GPA33: variants seen among roughly 807,000 people sequenced by gnomAD.
The protein encoded by GPA33 is cell surface A33 antigen.
GPA33 carries 27 observed loss-of-function variants against 35.6 expected under a neutral mutation model. That is an observed-to-expected ratio of 0.76 (90% confidence interval 0.56 to 1.04). The LOEUF is 1.04. GPA33 is among the 50% of genes least tolerant of loss of function. The pLI is 0.00. For synonymous variants in GPA33, 176 were observed against 164.0 expected (o/e 1.07, Z -0.56); for missense variants, 428 against 411.9 (o/e 1.04, Z -0.34).
chr1:167,072,885 T>A (rs1436754341), intron 2 of GPA33, among the ~76,000 whole-genome samples: 1 of 151,412 alleles, frequency 6.6e-6, no homozygotes, highest in African/African-American at 2.4e-5. Flanking sequence ...GGATAGAGGA[T>A]GAGGGTGTGG....
intron 3 of GPA33, among the ~76,000 whole-genome samples, chr1:167,065,596 A>C (rs1666574073): frequency 6.6e-6 from 1 of 152,124 alleles, no homozygotes; most frequent in African/African-American, 2.4e-5. Context: ...TCAGGAGTGC[A>C]TTCTGATCTC....
intron 4 of GPA33, among the ~76,000 whole-genome samples, chr1:167,063,139 C>G (rs977720493): frequency 1.3e-5 from 2 of 152,204 alleles, no homozygotes; most frequent in Non-Finnish European, 2.9e-5. Context: ...TATAAGAAAC[C>G]AGTGCTGGCC....
chr1:167,055,606 C>G, intron 5 of GPA33, 124 bp downstream of exon 5: 1 of 1,041,828 alleles, frequency 9.6e-7, no homozygotes, highest in Non-Finnish European at 1.4e-6. Flanking sequence ...CACAGCTAAC[C>G]TGCAGGTGCG....
chr1:167,054,506 C>T (rs1258644880), intron 6 of GPA33, 40 bp from the exon 7 acceptor site: 1 of 1,613,524 alleles, frequency 6.2e-7, no homozygotes, highest in Non-Finnish European at 8.5e-7. Flanking sequence ...GATTTGCTCT[C>T]AGGTGGACCC....
chr1:167,075,474 C>A lies in GPA33; in HGVS notation c.44-1935G>T, dbSNP rs142643064. ...GTCAGGAATAGACAGAAGGATTTGG[C>A]CTCAGCAACTGGAAGAATGGAGTTG... On this transcript the variant is annotated intron_variant, in intron 1 of 6. Coordinates refer to ENST00000367868, the MANE Select transcript of GPA33 (RefSeq NM_005814.3). Among the ~76,000 whole-genome samples the A allele has an allele frequency of 9.9e-5, 15 of 152,230 alleles. No homozygotes were observed. In the East Asian group the frequency reaches 2.9e-3, roughly 29 times the overall value.
intron 3 of GPA33, among the ~76,000 whole-genome samples, chr1:167,067,470 C>T (rs1478791841): frequency 6.6e-6 from 1 of 152,010 alleles, no homozygotes; most frequent in Non-Finnish European, 1.5e-5. Flanking sequence ...AAATTTGTAT[C>T]CTTCTGGCTG....
chr1:167,060,382 G>A (rs1220802721), intron 4 of GPA33, among the ~76,000 whole-genome samples: 2 of 152,162 alleles, frequency 1.3e-5, no homozygotes, highest in African/African-American at 4.8e-5. Context: ...GCCAGAATTG[G>A]CAGATTCTCC....
intron 4 of GPA33, among the ~76,000 whole-genome samples, chr1:167,057,969 C>T (rs991583505): frequency 1.3e-5 from 2 of 152,172 alleles, no homozygotes; most frequent in African/African-American, 2.4e-5. Flanking sequence ...GAGGCCAAGG[C>T]GGGCAGATCA....
chr1:167,065,945 G>A (rs1669167010), intron 3 of GPA33, among the ~76,000 whole-genome samples: 1 of 152,122 alleles, frequency 6.6e-6, no homozygotes. Context: ...CAACAAGCAG[G>A]TCCCCGGGGA....
At chr1:167,068,890 C>T in intron 3 of GPA33, 32 bp downstream of exon 3, 1 of 1,568,146 alleles carries the variant, frequency 6.4e-7, no homozygotes, top group Non-Finnish European at 8.8e-7. Context: ...CACCCTCTTC[C>T]TACAACTCCT....
At chr1:167,058,452 G>C (rs1332522365) in intron 4 of GPA33, 1 of 152,024 alleles carries the variant, frequency 6.6e-6, no homozygotes. Context: ...TATGGCAAGG[G>C]GTTTTAATCT....
At chr1:167,064,301 GA>G (rs1315729213) in intron 3 of GPA33, among the ~76,000 whole-genome samples, 1 of 131,924 alleles carries the variant, frequency 7.6e-6, no homozygotes, top group Non-Finnish European at 1.7e-5. Flanking sequence ...AGAAAGAAAA[GA>G]AAAAAAGAAA....
chr1:167,060,186 C>A (rs1334834367), intron 4 of GPA33, among the ~76,000 whole-genome samples: 1 of 152,228 alleles, frequency 6.6e-6, no homozygotes, highest in South Asian at 2.1e-4. Context: ...GATCTTCCCA[C>A]CTCAGCCTCC....
chr1:167,078,145 A>G (rs1010387297), intron 1 of GPA33, among the ~76,000 whole-genome samples: 2 of 152,036 alleles, frequency 1.3e-5, no homozygotes, highest in African/African-American at 4.8e-5. Context: ...ACCACATCAC[A>G]CCCCTCAATC....
intron 1 of GPA33, among the ~76,000 whole-genome samples, chr1:167,088,313 G>T (rs1042348338): frequency 6.6e-6 from 1 of 152,176 alleles, no homozygotes; most frequent in East Asian, 1.9e-4. Flanking sequence ...GTTGCTTTTG[G>T]TCGACCTTTG....
At chr1:167,063,776 G>A (rs1477107246) in intron 3 of GPA33, 39 bp from the exon 4 acceptor site, 35 of 1,580,604 alleles carry the variant, frequency 2.2e-5, no homozygotes, top group Non-Finnish European at 2.9e-5. Context: ...CATGAGGCAG[G>A]TGGGGCTTGG....
At chr1:167,063,333 T>C (rs1262663195) in intron 4 of GPA33, among the ~76,000 whole-genome samples, 1 of 152,146 alleles carries the variant, frequency 6.6e-6, no homozygotes, top group Non-Finnish European at 1.5e-5. Context: ...CGCTTGAACC[T>C]GGGAGGAGGA....
At chr1:167,062,147 GTCTT>G (rs1433521809) in intron 4 of GPA33, among the ~76,000 whole-genome samples, 2 of 150,910 alleles carry the variant, frequency 1.3e-5, no homozygotes, top group Non-Finnish European at 1.5e-5. Flanking sequence ...TTCAGGCCTT[GTCTT>G]TCTTTTTAAA....
chr1:167,063,821 C>T (rs1666526472), intron 3 of GPA33, 84 bp from the exon 4 acceptor site: 6 of 973,032 alleles, frequency 6.2e-6, no homozygotes, highest in Non-Finnish European at 9.4e-6. Context: ...CCACCCCCCA[C>T]ACACATATAC....
Sources: gnomAD v4.1 joint callset for allele counts (sites outside exome capture counted in the v4.1 genomes callset) on GRCh38, gnomAD v4.1.1 for gene constraint, MANE v1.5 for transcripts, NCBI Gene and HGNC (gene_info 2026-07-23, HGNC 2026-07-21) for gene names.